The following SYN3 variants were observed in gnomAD, a reference collection of about 807,000 sequenced individuals.
SYN3 encodes synapsin III, also known as synapsin-3.
Under a neutral mutation model 65.8 loss-of-function variants are expected in SYN3, and 35 were observed. That is an observed-to-expected ratio of 0.53 (90% CI 0.41 to 0.70). SYN3 has a LOEUF of 0.70. Ranked by LOEUF, SYN3 falls within the 30% of genes least tolerant of loss-of-function variation. The pLI, the probability that SYN3 is intolerant of heterozygous loss-of-function variation, is 0.00. For missense variants in SYN3, 680 were observed against 749.0 expected, an observed-to-expected ratio of 0.91 and a Z score of 1.08; for synonymous variants, 270 against 292.9, an observed-to-expected ratio of 0.92 and a Z score of 0.80.
chr22:32,760,582 C>T lies in SYN3; in HGVS notation c.711+104333G>A, dbSNP rs2045451633. Among the ~76,000 whole-genome samples the T allele has an allele frequency of 2.6e-5, 4 of 152,188 alleles. No individual in the cohort carries two copies. In the South Asian group the frequency reaches 8.3e-4, roughly 32 times the overall value. ...TTGACAGAAGGCACATGCAGGGCCC[C>T]CCGTGGGCAGAGCTCACATCACACC... is the stretch of plus-strand genomic sequence containing the variant. On this transcript the variant is annotated intron_variant, in intron 6 of 13. Coordinates refer to ENST00000358763, the MANE Select transcript of SYN3 (RefSeq NM_003490.4).
intron 6 of SYN3, among the ~76,000 whole-genome samples, chr22:32,716,644 T>C (rs1217941566): frequency 6.6e-6 from 1 of 152,038 alleles, no homozygotes; most frequent in Non-Finnish European, 1.5e-5. Context: ...CATCCTCCCA[T>C]CTTAGCCTCT....
chr22:32,763,928 T>C (rs1263650812), intron 6 of SYN3, among the ~76,000 whole-genome samples: 1 of 107,224 alleles, frequency 9.3e-6, no homozygotes, highest in Admixed American at 1.1e-4. Context: ...AAATTTGGTG[T>C]AGAAGCCCCC....
chr22:32,833,223 C>A (rs1421667545), intron 6 of SYN3, among the ~76,000 whole-genome samples: 1 of 152,068 alleles, frequency 6.6e-6, no homozygotes, highest in African/African-American at 2.4e-5. Flanking sequence ...GAGTCATTGG[C>A]CCCCAGCAAG....
chr22:32,798,865 GTGT>G (rs2046493899), intron 6 of SYN3, among the ~76,000 whole-genome samples: 5 of 151,740 alleles, frequency 3.3e-5, no homozygotes, highest in Non-Finnish European at 4.4e-5. Flanking sequence ...CTAATTTTTT[GTGT>G]TGTTAGTACA....
At chr22:32,935,285 T>TTC (rs34290935) in intron 3 of SYN3, among the ~76,000 whole-genome samples, 2,465 of 144,710 alleles carry the variant, frequency 0.017, 24 homozygotes, top group Middle Eastern at 0.021. Flanking sequence ...CTCTCTCTCT[T>TTC]TCTCTCTCTC....
intron 6 of SYN3, among the ~76,000 whole-genome samples, chr22:32,734,513 G>GCAGGCAGGCAGACAGACAGACAGA (rs1555941120): frequency 6.6e-6 from 1 of 151,318 alleles, no homozygotes; most frequent in East Asian, 2.0e-4. Context: ...AGGCAGGCAG[G>GCAGGCAGGCAGACAGACAGACAGA]CAGACAGACA....
intron 6 of SYN3, among the ~76,000 whole-genome samples, chr22:32,666,043 G>A (rs1443951236): frequency 1.3e-5 from 2 of 152,042 alleles, no homozygotes; most frequent in Non-Finnish European, 2.9e-5. Context: ...AAAACCCTGC[G>A]GCTCTCTCGA....
intron 6 of SYN3, among the ~76,000 whole-genome samples, chr22:32,828,186 C>A (rs1359125907): frequency 6.6e-6 from 1 of 152,206 alleles, no homozygotes; most frequent in African/African-American, 2.4e-5. Flanking sequence ...GAGGCTGAGA[C>A]AAGTGAAGTG....
rs138413586 is a variant in SYN3, at chr22:32,874,787, G to A, written c.462-5662C>T. Among the ~76,000 whole-genome samples, 123 of 152,308 alleles carry A rather than the reference G, an allele frequency of 8.1e-4. 1 individual carries two copies. In the East Asian group the frequency reaches 0.015, roughly 19 times the overall value. On this transcript the variant is annotated intron_variant, in intron 4 of 13. Transcript: ENST00000358763. The stretch of plus-strand genomic sequence containing the variant: ...CTGCGAAGGCTCCAGACTTTCTGAC[G>A]TCCATGTCAACGGGCAAAGAGACTT...
intron 12 of SYN3, among the ~76,000 whole-genome samples, chr22:32,526,430 G>A (rs1239679990): frequency 6.6e-6 from 1 of 152,100 alleles, no homozygotes; most frequent in Non-Finnish European, 1.5e-5. Flanking sequence ...ACAAAGTAAT[G>A]AATCTGTTGC....
intron 6 of SYN3, among the ~76,000 whole-genome samples, chr22:32,749,991 T>C (rs924108295): frequency 2.6e-5 from 4 of 152,128 alleles, no homozygotes; most frequent in African/African-American, 4.8e-5. Context: ...GAGCCAGGAT[T>C]GAAGGAGGGT....
At chr22:32,884,904 A>G (rs1030884982) in intron 4 of SYN3, among the ~76,000 whole-genome samples, 2 of 152,282 alleles carry the variant, frequency 1.3e-5, no homozygotes, top group East Asian at 3.9e-4. Context: ...AAATCATTTC[A>G]TATCAGTACA....
intron 2 of SYN3, among the ~76,000 whole-genome samples, chr22:32,993,346 CTT>C (rs1491101805): frequency 2.0e-5 from 3 of 152,198 alleles, no homozygotes; most frequent in South Asian, 2.1e-4. Context: ...CAATAAATCT[CTT>C]TTGTTTGTTT....
chr22:32,806,491 C>T (rs915174654), intron 6 of SYN3, among the ~76,000 whole-genome samples: 2 of 152,148 alleles, frequency 1.3e-5, no homozygotes, highest in East Asian at 3.9e-4. Flanking sequence ...TACCTTTTGT[C>T]ATAGTCTACT....
intron 7 of SYN3, among the ~76,000 whole-genome samples, chr22:32,559,746 T>C (rs1601633258): frequency 6.7e-6 from 1 of 149,876 alleles, no homozygotes; most frequent in South Asian, 2.1e-4. Flanking sequence ...AGGAGAATGG[T>C]GTGAACCTGG....
At chr22:32,718,025 T>C (rs2061062600) in intron 6 of SYN3, among the ~76,000 whole-genome samples, 1 of 152,230 alleles carries the variant, frequency 6.6e-6, no homozygotes, top group African/African-American at 2.4e-5. Context: ...TTAAGGCGAC[T>C]AGCTTGTGTT....
intron 6 of SYN3, among the ~76,000 whole-genome samples, chr22:32,634,935 C>CTTTT (rs10683651): frequency 2.7e-5 from 4 of 147,532 alleles, no homozygotes; most frequent in African/African-American, 9.9e-5. Flanking sequence ...TTTTTTGCAA[C>CTTTT]TTTTTTTTTT....
rs149258716 is a variant in SYN3, at chr22:32,712,554, C to T, written c.712-115818G>A. ...GGCCTCTTGTCATAATCAGCCCGAG[C>T]GGGGATAGCTCACAAGACCATGTGA... On this transcript the variant is annotated intron_variant, in intron 6 of 13. Coordinates refer to ENST00000358763, the MANE Select transcript of SYN3 (RefSeq NM_003490.4). 3.9e-5 allele frequency among the ~76,000 whole-genome samples: 6 copies of T among 152,228 alleles called. No homozygotes were observed. In the East Asian group the frequency reaches 7.7e-4, roughly 20 times the overall value.
chr22:32,516,762 C>T (rs371301322), intron 13 of SYN3, among the ~76,000 whole-genome samples: 32 of 152,040 alleles, frequency 2.1e-4, no homozygotes, highest in African/African-American at 3.4e-4. Flanking sequence ...GGGTCTAATC[C>T]CAGCTCTTCT....
Sources: allele counts gnomAD v4.1 joint callset (sites outside exome capture counted in the v4.1 genomes callset), GRCh38; gene constraint gnomAD v4.1.1; transcripts MANE v1.5; gene names NCBI Gene and HGNC (gene_info 2026-07-23, HGNC 2026-07-21).